The following NTN4 variants were observed in gnomAD, a reference collection of about 807,000 sequenced individuals.
NTN4 encodes netrin-4.
NTN4 carries 32 observed loss-of-function variants against 73.6 expected under a neutral mutation model. That is an observed-to-expected ratio of 0.44 (90% CI 0.33 to 0.58). NTN4 has a LOEUF of 0.58. NTN4 is among the 20% of genes least tolerant of loss of function. NTN4 has a pLI of 0.04. For synonymous variants in NTN4, 258 were observed against 287.5 expected (o/e 0.90, Z 1.04); for missense variants, 654 against 798.3 (o/e 0.82, Z 2.18).
At chr12:95,773,651 C>T (rs968793030) in intron 2 of NTN4, among the ~76,000 whole-genome samples, 4 of 151,904 alleles carry the variant, frequency 2.6e-5, no homozygotes, top group African/African-American at 7.3e-5. Flanking sequence ...GGTCCTTATT[C>T]GAACGTCTCA....
At chr12:95,733,167 A>G (rs1342720854) in intron 3 of NTN4, among the ~76,000 whole-genome samples, 1 of 152,254 alleles carries the variant, frequency 6.6e-6, no homozygotes, top group Non-Finnish European at 1.5e-5. Context: ...GAAACATTCC[A>G]TATTCCCTCT....
chr12:95,690,304 G>T lies in NTN4; in HGVS notation c.1181-6593C>A, dbSNP rs540769509. 3.3e-5 allele frequency among the ~76,000 whole-genome samples: 5 copies of T among 152,296 alleles called. No homozygotes were observed. The East Asian group carries it at 9.6e-4, about 29-fold the overall frequency. ...GAGCACCTGCTATGTGCTAAGTACT[G>T]TGCAAATTGCTAGGGATCTAACTTG... is the stretch of plus-strand genomic sequence containing the variant. On this transcript the variant is annotated intron_variant, in intron 5 of 9. Transcript: ENST00000343702.
chr12:95,668,941 T>C (rs2367561), intron 8 of NTN4, among the ~76,000 whole-genome samples: 70,323 of 152,112 alleles, frequency 0.46, 16,544 homozygotes, highest in East Asian at 0.8. Context: ...CTGACCAACA[T>C]GGGATAACCC....
At chr12:95,666,883 C>T (rs1031130826) in intron 8 of NTN4, among the ~76,000 whole-genome samples, 4 of 152,188 alleles carry the variant, frequency 2.6e-5, no homozygotes, top group Non-Finnish European at 1.5e-5. Context: ...TTCCCTGGGC[C>T]ACACTGGACC....
chr12:95,701,742 G>A (rs1169518874), intron 5 of NTN4, among the ~76,000 whole-genome samples: 1 of 152,172 alleles, frequency 6.6e-6, no homozygotes, highest in Non-Finnish European at 1.5e-5. Context: ...TGCTTCTCAG[G>A]AGAGTGGGAG....
intron 9 of NTN4, among the ~76,000 whole-genome samples, chr12:95,662,607 A>C (rs184455979): frequency 1.3e-5 from 2 of 152,328 alleles, no homozygotes; most frequent in African/African-American, 4.8e-5. Flanking sequence ...GAAAAAGGAA[A>C]ATAATGACAC....
intron 3 of NTN4, among the ~76,000 whole-genome samples, chr12:95,736,935 T>C (rs11108225): frequency 0.78 from 119,058 of 152,186 alleles, 46,639 homozygotes; most frequent in East Asian, 0.82. Flanking sequence ...GGGATGTCTA[T>C]CCTTTAGGAA....
At chr12:95,737,783 A>G (rs1240973674) in intron 3 of NTN4, 83 bp downstream of exon 3, 2 of 1,363,360 alleles carry the variant, frequency 1.5e-6, no homozygotes, top group Non-Finnish European at 2.0e-6. Flanking sequence ...CAGCAGCACT[A>G]TGTTAAGCAT....
intron 3 of NTN4, among the ~76,000 whole-genome samples, chr12:95,729,630 AGAGTGTGTGTGT>A (rs1373681674): frequency 3.3e-5 from 3 of 91,690 alleles, no homozygotes; most frequent in Non-Finnish European, 7.2e-5. Context: ...AGAGAGAGAG[AGAGTGTGTGTGT>A]GTGTGTGTGT....
chr12:95,760,389 G>A (rs905217125), intron 2 of NTN4, among the ~76,000 whole-genome samples: 7 of 152,110 alleles, frequency 4.6e-5, no homozygotes, highest in African/African-American at 1.4e-4. Flanking sequence ...GTATTTAGCC[G>A]AAAACTTAAG....
chr12:95,680,612 G>A (rs944902415), intron 7 of NTN4, among the ~76,000 whole-genome samples: 3 of 152,164 alleles, frequency 2.0e-5, no homozygotes, highest in Non-Finnish European at 4.4e-5. Flanking sequence ...AAACAAACGA[G>A]AGAATAAAAA....
intron 7 of NTN4, among the ~76,000 whole-genome samples, chr12:95,671,472 G>A (rs181352335): frequency 1.1e-4 from 17 of 152,178 alleles, no homozygotes; most frequent in Admixed American, 1.1e-3. Flanking sequence ...CCTGAGCTCC[G>A]CCTCCTGTTA....
intron 9 of NTN4, among the ~76,000 whole-genome samples, chr12:95,662,617 C>T (rs2078147345): frequency 6.6e-6 from 1 of 152,008 alleles, no homozygotes; most frequent in African/African-American, 2.4e-5. Flanking sequence ...AATAATGACA[C>T]AGAGAGGTTT....
chr12:95,670,503 AC>A (rs2078218913), intron 7 of NTN4: 1 of 165,720 alleles, frequency 6.0e-6, no homozygotes, highest in African/African-American at 2.4e-5. Flanking sequence ...AATGTTCACC[AC>A]CACAAAAGTG....
At chr12:95,759,128 C>T (rs759090012) in intron 2 of NTN4, among the ~76,000 whole-genome samples, 2 of 152,192 alleles carry the variant, frequency 1.3e-5, no homozygotes, top group Non-Finnish European at 2.9e-5. Context: ...AAGACTAACG[C>T]TTCTTCATTG....
chr12:95,708,889 G>A (rs2078541551), intron 5 of NTN4, among the ~76,000 whole-genome samples: 1 of 152,208 alleles, frequency 6.6e-6, no homozygotes, highest in Non-Finnish European at 1.5e-5. Flanking sequence ...GCAATTGGCA[G>A]TGAAGGCATT....
intron 9 of NTN4, among the ~76,000 whole-genome samples, chr12:95,662,219 T>C (rs1294840988): frequency 8.3e-6 from 1 of 120,450 alleles, no homozygotes; most frequent in Non-Finnish European, 1.6e-5. Flanking sequence ...TCTCCTTCTG[T>C]TCTTCCTTTT....
intron 2 of NTN4, among the ~76,000 whole-genome samples, chr12:95,779,017 T>C (rs991405936): frequency 1.8e-4 from 27 of 152,164 alleles, no homozygotes; most frequent in African/African-American, 6.5e-4. Context: ...TGCAAATCAA[T>C]AAATGTAATC....
intron 5 of NTN4, among the ~76,000 whole-genome samples, chr12:95,704,679 G>A (rs10507057): frequency 0.058 from 8,872 of 152,240 alleles, 681 homozygotes; most frequent in African/African-American, 0.18. Flanking sequence ...TAAATGTTGG[G>A]ATCTACTGCA....
Sources: allele counts gnomAD v4.1 joint callset (sites outside exome capture counted in the v4.1 genomes callset), GRCh38; gene constraint gnomAD v4.1.1; transcripts MANE v1.5; gene names NCBI Gene and HGNC (gene_info 2026-07-23, HGNC 2026-07-21).